DLGAP4: variants seen among roughly 807,000 people sequenced by gnomAD.
The protein encoded by DLGAP4 is disks large-associated protein 4.
Under a neutral mutation model 86.9 loss-of-function variants are expected in DLGAP4, and 18 were observed. That is an observed-to-expected ratio of 0.21 (90% CI 0.14 to 0.31). The LOEUF is 0.31. DLGAP4 is among the 10% of genes least tolerant of loss of function. The pLI is 1.00. For synonymous variants in DLGAP4, 548 were observed against 574.3 expected, an observed-to-expected ratio of 0.95 and a Z score of 0.65; for missense variants, 1,085 against 1,362.6, an observed-to-expected ratio of 0.80 and a Z score of 3.21.
intron 10 of DLGAP4, among the ~76,000 whole-genome samples, chr20:36,523,601 T>C (rs945820753): frequency 6.6e-6 from 1 of 152,262 alleles, no homozygotes; most frequent in Non-Finnish European, 1.5e-5. Context: ...TAAAACTACT[T>C]ACACCTAGTT....
intron 2 of DLGAP4, among the ~76,000 whole-genome samples, chr20:36,398,083 T>C (rs137904255): frequency 6.6e-6 from 1 of 152,356 alleles, no homozygotes; most frequent in East Asian, 1.9e-4. Flanking sequence ...ATTGTGCCAT[T>C]GCACTCCAGC....
rs1336906224 is a variant in DLGAP4, at chr20:36,315,087, GGT to G, written c.-304+8583_-304+8584del. ...GTGGTGTGATGTGTGTGTTATGTAT[GGT>G]GTGTGTGATGTGTGGTGTGTGATGT... On this transcript the variant is annotated intron_variant, in intron 1 of 12. Transcript: ENST00000339266. Among the ~76,000 whole-genome samples the G allele has an allele frequency of 4.8e-5, 7 of 144,594 alleles. 1 individual carries two copies. The highest frequency in any genetic ancestry group is 1.4e-4 in the Admixed American group (2 of 14,470). 94.9% of individuals were successfully genotyped at this position (144,594 alleles called of 152,430 possible).
intron 2 of DLGAP4, among the ~76,000 whole-genome samples, chr20:36,386,978 C>T (rs777103282): frequency 3.3e-5 from 5 of 152,150 alleles, no homozygotes; most frequent in Admixed American, 1.3e-4. Flanking sequence ...CCATTGTATG[C>T]TTATACCACA....
intron 1 of DLGAP4, among the ~76,000 whole-genome samples, chr20:36,356,727 T>C (rs1052047831): frequency 4.5e-4 from 68 of 151,282 alleles, no homozygotes; most frequent in Non-Finnish European, 1.0e-4. Flanking sequence ...GTATTGTCAA[T>C]GGCTGCTTTG....
intron 2 of DLGAP4, among the ~76,000 whole-genome samples, chr20:36,398,066 A>G (rs193100915): frequency 3.0e-4 from 45 of 152,364 alleles, no homozygotes; most frequent in African/African-American, 1.1e-3. Flanking sequence ...GGTTGCGGTG[A>G]GCTGAGATTG....
chr20:36,314,941 G>C (rs2065082539), intron 1 of DLGAP4, among the ~76,000 whole-genome samples: 1 of 138,712 alleles, frequency 7.2e-6, no homozygotes, highest in Admixed American at 7.1e-5. Context: ...TGTGTGTGCT[G>C]TGTGTGATGT....
intron 2 of DLGAP4, among the ~76,000 whole-genome samples, chr20:36,386,718 G>C (rs1222457173): frequency 2.0e-5 from 3 of 152,054 alleles, no homozygotes; most frequent in Admixed American, 2.0e-4. Context: ...CCAAGTACCT[G>C]GGGGACTATA....
rs200755523 is a variant in DLGAP4, at chr20:36,432,021, G to A, written c.304G>A (p.Ala102Thr). The A allele has an allele frequency of 2.2e-4, 361 of 1,613,924 alleles. No homozygotes were observed. The highest frequency in any genetic ancestry group is 2.9e-4 in the Non-Finnish European group (338 of 1,180,028). ...AQATKINRLPANLLDQFEKQL... is the reference protein window; with the variant it reads ...AQATKINRLPTNLLDQFEKQL... ...AGCCACCAAGATCAACCGGCTGCCC[G>A]CCAACCTCCTGGACCAGTTTGAGAA... Residue 102 changes from alanine to threonine, a missense_variant, in exon 3 of 13, where the codon GCC becomes ACC. By Grantham distance (58) the Ala-to-Thr change is moderately conservative. Transcript: ENST00000339266. This position sits in a 1 kb window ranked among gnomAD's most constrained non-coding sequence, Gnocchi z 6.5.
At position 36,499,653 on chromosome 20, in the gene DLGAP4, G is replaced by A. The variant is rs1398642238; in HGVS notation, c.2076G>A (p.Gly692=). Residue 692 remains glycine, a synonymous_variant, in exon 9 of 13, where the codon GGG becomes GGA. Transcript: ENST00000339266. ...PSPATKFQSI[G]VQVEDDWRSS... is the part of the protein sequence containing the mutation. ...CCGCTACCAAATTCCAGTCCATCGG[G>A]GTTCAGGTAGAGGACGACTGGCGGT... The A allele has an allele frequency of 6.2e-7, 1 of 1,613,862 alleles. No homozygotes were observed. The highest frequency in any genetic ancestry group is 8.5e-7 in the Non-Finnish European group (1 of 1,179,962).
chr20:36,388,940 C>T (rs958366783), intron 2 of DLGAP4, among the ~76,000 whole-genome samples: 1 of 152,154 alleles, frequency 6.6e-6, no homozygotes, highest in Admixed American at 6.5e-5. Flanking sequence ...GCCTGAGAAA[C>T]TAGGATGACA....
At chr20:36,388,602 C>T (rs2031682460) in intron 2 of DLGAP4, among the ~76,000 whole-genome samples, 1 of 152,188 alleles carries the variant, frequency 6.6e-6, no homozygotes. Context: ...GAGTCAGACA[C>T]ATTGAGTTAG....
chr20:36,363,815 C>A (rs1478047602), intron 1 of DLGAP4, among the ~76,000 whole-genome samples: 1 of 152,158 alleles, frequency 6.6e-6, no homozygotes, highest in Non-Finnish European at 1.5e-5. Context: ...ATTCAATCAA[C>A]AAACATTTCT....
At chr20:36,473,657 C>T (rs1289753231) in intron 7 of DLGAP4, among the ~76,000 whole-genome samples, 3 of 152,100 alleles carry the variant, frequency 2.0e-5, no homozygotes, top group Non-Finnish European at 4.4e-5. Context: ...ACTATGCTAC[C>T]CACGTTGGTC....
chr20:36,317,247 CT>C (rs1309548419), intron 1 of DLGAP4, among the ~76,000 whole-genome samples: 2 of 53,164 alleles, frequency 3.8e-5, no homozygotes, highest in African/African-American at 2.3e-4. Flanking sequence ...TTCTTTCTTT[CT>C]TTCTTTCTTT....
At chr20:36,416,362 CCCACCTG>C (rs1238748979) in intron 2 of DLGAP4, among the ~76,000 whole-genome samples, 1 of 152,176 alleles carries the variant, frequency 6.6e-6, no homozygotes, top group African/African-American at 2.4e-5. Flanking sequence ...CCTCAAGAGA[CCCACCTG>C]CCTTGGCCTC....
intron 7 of DLGAP4, among the ~76,000 whole-genome samples, chr20:36,487,529 C>A (rs1328024423): frequency 6.6e-6 from 1 of 152,144 alleles, no homozygotes. Context: ...TATCCTCCCT[C>A]CACGAGCTAA....
chr20:36,472,273 G>T (rs193120601), intron 7 of DLGAP4, among the ~76,000 whole-genome samples: 2 of 152,144 alleles, frequency 1.3e-5, no homozygotes, highest in Admixed American at 1.3e-4. Context: ...AAGCCAAGAC[G>T]AGTGGATCAC....
In DLGAP4 at chr20:36,308,582, C is replaced by T. The variant is rs898233301; in HGVS notation, c.-304+2070C>T. On this transcript the variant is annotated intron_variant, in intron 1 of 12. Coordinates refer to ENST00000339266, the MANE Select transcript of DLGAP4 (RefSeq NM_001365621.2). The surrounding 1 kb of genome is among the most constrained non-coding windows in gnomAD (Gnocchi z 4.5). The stretch of plus-strand genomic sequence containing the variant: ...GAGAGAATGTGTGCTTTGGAGCTTT[C>T]GGGAGACGCTGACGTATCGGATGTA... Among the ~76,000 whole-genome samples, 1 of 152,150 alleles carries T rather than the reference C, an allele frequency of 6.6e-6. No individual in the cohort carries two copies. The highest frequency in any genetic ancestry group is 1.5e-5 in the Non-Finnish European group (1 of 68,022).
intron 2 of DLGAP4, among the ~76,000 whole-genome samples, chr20:36,408,555 A>G (rs758236291): frequency 3.9e-5 from 6 of 152,138 alleles, no homozygotes; most frequent in African/African-American, 4.8e-5. Context: ...TCATCCTGCC[A>G]TTGCCTTTGC....
Sources: gnomAD v4.1 joint callset for allele counts (sites outside exome capture counted in the v4.1 genomes callset) on GRCh38, gnomAD v4.1.1 for gene constraint, Gnocchi (gnomAD v3.1) non-coding constraint, MANE v1.5 for transcripts, NCBI Gene and HGNC (gene_info 2026-07-23, HGNC 2026-07-21) for gene names.